Variants in GRIK1 observed in about 807,000 individuals in gnomAD.
GRIK1 encodes glutamate ionotropic receptor kainate type subunit 1.
GRIK1 carries 69 observed loss-of-function variants against 105.7 expected under a neutral mutation model. The ratio of observed to expected loss-of-function variants is 0.65; its 90% CI spans 0.54 to 0.80. The LOEUF (loss-of-function observed/expected upper bound fraction) is 0.80, where lower values mean the gene tolerates loss of function less well. Among genes scored for constraint, GRIK1 ranks in the 30% least tolerant of loss-of-function variants. The pLI, the probability that GRIK1 is intolerant of heterozygous loss-of-function variation, is 0.00. For synonymous variants in GRIK1, 438 were observed against 431.3 expected (o/e 1.02, Z -0.19); for missense variants, 1,109 against 1,167.3 (o/e 0.95, Z 0.73).
Position 29,642,915 on chromosome 21 carries a change from G to A in GRIK1, c.1009C>T (p.Arg337Trp), listed in dbSNP as rs544230882. 82 of 1,613,778 alleles carry A rather than the reference G, an allele frequency of 5.1e-5. 2 individuals are homozygous for A. The African/African-American group carries it at 8.3e-4, about 16-fold the overall frequency. Residue 337 changes from arginine to tryptophan, a missense_variant, in exon 7 of 18, where the codon CGG (arginine) becomes TGG (tryptophan). Arg to Trp is a moderately radical substitution (Grantham distance 101, BLOSUM62 -3). Around this residue, in one of 5 missense-constraint regions of GRIK1, gnomAD observed 612 missense variants for 586.0 expected, o/e 1.04. Transcript: ENST00000327783. The part of the protein sequence containing the change: ...AVYMVAIASH[R>W]ASQLTVSSLQ... ...GAGCTGACGGTCAGCTGGGATGCCC[G>A]GTGCGAGGCAATGGCCACCATGTAC...
chr21:29,898,751 A>G (rs1408732757), intron 1 of GRIK1, among the ~76,000 whole-genome samples: 1 of 152,210 alleles, frequency 6.6e-6, no homozygotes, highest in African/African-American at 2.4e-5. Flanking sequence ...ATTTTATGAG[A>G]AAAAATGCAT....
At chr21:29,727,473 C>G (rs527325232) in intron 1 of GRIK1, among the ~76,000 whole-genome samples, 1 of 152,150 alleles carries the variant, frequency 6.6e-6, no homozygotes, top group African/African-American at 2.4e-5. Flanking sequence ...CACCTTTGCT[C>G]TTATCCTATG....
intron 1 of GRIK1, among the ~76,000 whole-genome samples, chr21:29,760,752 G>A (rs1444389797): frequency 6.6e-6 from 1 of 152,214 alleles, no homozygotes; most frequent in Non-Finnish European, 1.5e-5. Context: ...TAGTGGCTTA[G>A]ATTGAGTCAC....
At chr21:29,894,700 T>C (rs2070051244) in intron 1 of GRIK1, among the ~76,000 whole-genome samples, 1 of 152,202 alleles carries the variant, frequency 6.6e-6, no homozygotes, top group African/African-American at 2.4e-5. Context: ...ACTGCTCAAC[T>C]ATGTGCACTT....
intron 4 of GRIK1, among the ~76,000 whole-genome samples, chr21:29,672,095 T>C (rs1238595663): frequency 2.6e-5 from 4 of 151,200 alleles, no homozygotes; most frequent in Non-Finnish European, 4.4e-5. Flanking sequence ...TTTGCTCTTA[T>C]GGCCCAGGCT....
At chr21:29,778,465 A>G (rs1046350562) in intron 1 of GRIK1, among the ~76,000 whole-genome samples, 4 of 152,232 alleles carry the variant, frequency 2.6e-5, no homozygotes, top group Non-Finnish European at 5.9e-5. Flanking sequence ...TTTCGTGTGT[A>G]TGCTGGGACT....
chr21:29,709,278 C>CTT lies in GRIK1; in HGVS notation c.119-15217_119-15216dup, dbSNP rs35378548. Among the ~76,000 whole-genome samples, 579 of 127,870 alleles carry CTT rather than the reference C, an allele frequency of 4.5e-3. 6 individuals are homozygous for CTT. Among genetic ancestry groups the CTT allele is most frequent in the African/African-American group, 0.015 (502 of 34,590 alleles). The allele number at this position is 127,870 out of a possible 152,430, so 83.9% of individuals were successfully genotyped here. ...TCTATAGGATCCATTTACTCTTCTTCTTTTTTTTTTTTTTTTTTTTGAGAC... is the reference window on the plus strand; with the variant it reads ...TCTATAGGATCCATTTACTCTTCTTCTTTTTTTTTTTTTTTTTTTTTTGAGAC... On this transcript the variant is annotated intron_variant, in intron 1 of 17. Transcript: ENST00000327783.
At chr21:29,591,549 G>T (rs1447061859) in intron 9 of GRIK1, among the ~76,000 whole-genome samples, 1 of 151,824 alleles carries the variant, frequency 6.6e-6, no homozygotes, top group Non-Finnish European at 1.5e-5. Context: ...ATATATATTT[G>T]CTGAGCATCT....
intron 1 of GRIK1, among the ~76,000 whole-genome samples, chr21:29,794,275 G>T (rs945436609): frequency 6.6e-5 from 10 of 152,110 alleles, no homozygotes; most frequent in African/African-American, 2.4e-4. Context: ...TTAGTGCATA[G>T]AAATCATCAA....
At chr21:29,706,523 A>G (rs952866689) in intron 1 of GRIK1, among the ~76,000 whole-genome samples, 9 of 152,202 alleles carry the variant, frequency 5.9e-5, no homozygotes, top group Non-Finnish European at 1.3e-4. Flanking sequence ...TCTAAGATCC[A>G]ACACTTTAAA....
At chr21:29,563,343 G>A (rs555333570) in intron 14 of GRIK1, among the ~76,000 whole-genome samples, 1 of 152,200 alleles carries the variant, frequency 6.6e-6, no homozygotes, top group Non-Finnish European at 1.5e-5. Flanking sequence ...TTATGAGTTA[G>A]GGGAGGACAG....
At chr21:29,812,810 G>T (rs1295489454) in intron 1 of GRIK1, among the ~76,000 whole-genome samples, 3 of 152,172 alleles carry the variant, frequency 2.0e-5, no homozygotes, top group African/African-American at 7.2e-5. Context: ...GGTCTGCCTA[G>T]ATCAGTGTGC....
intron 1 of GRIK1, among the ~76,000 whole-genome samples, chr21:29,769,994 G>GT (rs1053391888): frequency 5.3e-5 from 8 of 152,250 alleles, no homozygotes; most frequent in Admixed American, 5.2e-4. Flanking sequence ...GTATGATGTT[G>GT]TTTTTTATAG....
chr21:29,909,869 T>C (rs552649337), intron 1 of GRIK1, among the ~76,000 whole-genome samples: 1 of 152,180 alleles, frequency 6.6e-6, no homozygotes, highest in East Asian at 1.9e-4. Flanking sequence ...ACATGACGAG[T>C]ATAACTTTTA....
chr21:29,900,294 A>G (rs892127482), intron 1 of GRIK1, among the ~76,000 whole-genome samples: 4 of 151,922 alleles, frequency 2.6e-5, no homozygotes, highest in Non-Finnish European at 5.9e-5. Flanking sequence ...ATTAACCTTA[A>G]ATGTAAATGG....
intron 1 of GRIK1, among the ~76,000 whole-genome samples, chr21:29,838,330 T>C (rs1438517326): frequency 6.6e-6 from 1 of 151,762 alleles, no homozygotes; most frequent in Admixed American, 6.6e-5. Context: ...GTACTAAAGC[T>C]CTCTGAAGAA....
At chr21:29,699,800 C>A (rs1456572896) in intron 1 of GRIK1, among the ~76,000 whole-genome samples, 1 of 152,020 alleles carries the variant, frequency 6.6e-6, no homozygotes, top group Non-Finnish European at 1.5e-5. Context: ...AGGCAAGCAC[C>A]ACCACACCCA....
Position 29,561,852 on chromosome 21 carries a change from G to A in GRIK1, c.2131-3C>T, listed in dbSNP as rs749229243. The A allele has an allele frequency of 5.0e-6, 8 of 1,593,844 alleles. 1 individual carries two copies. The South Asian group carries it at 8.9e-5, about 18-fold the overall frequency. On this transcript the variant is annotated splice_region_variant and splice_polypyrimidine_tract_variant and intron_variant, in intron 14 of 17. Transcript: ENST00000327783. ...TCATAGGTGGAGATTTTTGATTTCT[G>A]GAGGGAAAGAAAACACACTCACCAG...
intron 15 of GRIK1, among the ~76,000 whole-genome samples, chr21:29,559,911 G>T (rs567660350): frequency 1.3e-5 from 2 of 152,100 alleles, no homozygotes; most frequent in South Asian, 4.1e-4. Flanking sequence ...TCTCTTTTAG[G>T]TATGTCATGT....
Sources: allele counts gnomAD v4.1 joint callset (sites outside exome capture counted in the v4.1 genomes callset), GRCh38; gene constraint gnomAD v4.1.1; regional missense constraint gnomAD v4.1.1; transcripts MANE v1.5; gene names NCBI Gene and HGNC (gene_info 2026-07-23, HGNC 2026-07-21).